The following S100A9 variants were observed in gnomAD, a reference collection of about 807,000 sequenced individuals.
The protein encoded by S100A9 is S100 calcium binding protein A9.
In S100A9, 2 loss-of-function variants were observed where a neutral mutation model predicts 4.3. The ratio of observed to expected loss-of-function variants is 0.47; its 90% CI spans 0.19 to 1.48. The LOEUF (loss-of-function observed/expected upper bound fraction) is 1.48. S100A9 is among the 40% of genes most tolerant of loss of function. S100A9 has a pLI of 0.24. For synonymous variants in S100A9, 67 were observed against 54.0 expected (o/e 1.24, Z -1.06); for missense variants, 130 against 144.4 (o/e 0.90, Z 0.51).
Position 153,360,680 on chromosome 1 carries a change from A to C in S100A9, c.187A>C (p.Met63Leu). The C allele has an allele frequency of 6.2e-7, 1 of 1,613,938 alleles. No homozygotes were observed. The highest frequency in any genetic ancestry group is 8.5e-7 in the Non-Finnish European group (1 of 1,179,866). ...GAATGAAAAGGTCATAGAACACATC[A>C]TGGAGGACCTGGACACAAATGCAGA... The part of the protein sequence containing the change: ...NKNEKVIEHI[M>L]EDLDTNADKQ... The change falls in exon 3 of 3, where the codon ATG (methionine) becomes CTG (leucine). Residue 63 changes from methionine to leucine, a missense_variant. By Grantham distance (15) the Met-to-Leu change is conservative. Coordinates refer to ENST00000368738, the MANE Select transcript of S100A9 (RefSeq NM_002965.4).
chr1:153,360,861 G>C lies in S100A9; in HGVS notation c.*23G>C. On this transcript the variant is annotated 3_prime_UTR_variant, in exon 3 of 3. Transcript: ENST00000368738. Reference sequence around the variant, plus strand: ...TAAGACCACAGTGGCCAAGATCACAGTGGCCACGGCCACGGCCACAGTCAT... The same window carrying C: ...TAAGACCACAGTGGCCAAGATCACACTGGCCACGGCCACGGCCACAGTCAT... 1.3e-6 allele frequency: 2 copies of C among 1,545,374 alleles called. No individual in the cohort carries two copies. Among genetic ancestry groups the C allele is most frequent in the Non-Finnish European group, 1.8e-6 (2 of 1,138,804 alleles).
At position 153,360,868 on chromosome 1, in the gene S100A9, CGGCCACGGCCACAGTCATGGT is replaced by C. The variant is rs548370037; in HGVS notation, c.*45_*65del. 1.1e-3 allele frequency: 1,583 copies of C among 1,493,868 alleles called. 10 individuals carry two copies. In the African/African-American group the frequency reaches 0.019, roughly 18 times the overall value. 92.5% of individuals were successfully genotyped at this position (1,493,868 alleles called of 1,614,324 possible). A position where few individuals can be genotyped will look rare whatever the true frequency, so the allele number is the denominator to read the frequency against. ...ACAGTGGCCAAGATCACAGTGGCCA[CGGCCACGGCCACAGTCATGGT>C]GGCCACGGCCACAGCCACTAATCAG... On this transcript the variant is annotated 3_prime_UTR_variant, in exon 3 of 3. Coordinates refer to ENST00000368738, the MANE Select transcript of S100A9 (RefSeq NM_002965.4).
intron 2 of S100A9, 138 bp downstream of exon 2, chr1:153,358,571 T>C: frequency 1.5e-6 from 1 of 677,226 alleles, no homozygotes; most frequent in African/African-American, 1.8e-5. Flanking sequence ...GCGAGTGTCC[T>C]GTTATACAGG....
chr1:153,358,353 G>C lies in S100A9; in HGVS notation c.70G>C (p.Val24Leu). Residue 24 changes from valine to leucine, a missense_variant, in exon 2 of 3, where the codon GTG (valine) becomes CTG (leucine). By Grantham distance (32) the Val-to-Leu change is conservative. Transcript: ENST00000368738. ...CATCAACACCTTCCACCAATACTCTGTGAAGCTGGGGCACCCAGACACCCT... is the reference window on the plus strand; with the variant it reads ...CATCAACACCTTCCACCAATACTCTCTGAAGCTGGGGCACCCAGACACCCT... ...TIINTFHQYS[V>L]KLGHPDTLNQ... 6.2e-7 allele frequency: 1 copy of C among 1,613,376 alleles called. No individual in the cohort carries two copies. The highest frequency in any genetic ancestry group is 8.5e-7 in the Non-Finnish European group (1 of 1,179,536).
chr1:153,358,264 C>A lies in S100A9; in HGVS notation c.-15-5C>A. On this transcript the variant is annotated splice_polypyrimidine_tract_variant and splice_region_variant and intron_variant, in intron 1 of 2. Transcript: ENST00000368738. Reference sequence around the variant, plus strand: ...TGTCCCAACTCTTGGTTTTCCATTACACAGACAGAGTGCAAGACGATGACT... The same window carrying A: ...TGTCCCAACTCTTGGTTTTCCATTAAACAGACAGAGTGCAAGACGATGACT... 6.5e-7 allele frequency: 1 copy of A among 1,545,456 alleles called. No individual in the cohort carries two copies. The highest frequency in any genetic ancestry group is 8.8e-7 in the Non-Finnish European group (1 of 1,136,744).
intron 1 of S100A9, 150 bp downstream of exon 1, chr1:153,358,031 C>G: frequency 3.2e-6 from 1 of 313,952 alleles, no homozygotes; most frequent in South Asian, 1.2e-4. Flanking sequence ...TTTCTTAGGT[C>G]ATGTTCCCCT....
chr1:153,360,569 C>G (rs1661429103), intron 2 of S100A9, 75 bp from the exon 3 acceptor site: 3 of 965,430 alleles, frequency 3.1e-6, no homozygotes, highest in Non-Finnish European at 4.8e-6. Flanking sequence ...CATTTGCCAG[C>G]TGGTCATTTA....
chr1:153,357,945 AC>A (rs1661376795), intron 1 of S100A9, 64 bp downstream of exon 1: 1 of 170,180 alleles, frequency 5.9e-6, no homozygotes, highest in South Asian at 1.7e-4. Context: ...TCCTTCCCTG[AC>A]CCAACTTCCT....
Position 153,360,842 on chromosome 1 carries a change from C to T in S100A9, c.*4C>T, listed in dbSNP as rs11544410. 1,484 of 1,587,790 alleles carry T rather than the reference C, an allele frequency of 9.3e-4. 36 individuals carry two copies. The East Asian group carries it at 0.032, about 34-fold the overall frequency. On this transcript the variant is annotated 3_prime_UTR_variant, in exon 3 of 3. Coordinates refer to ENST00000368738, the MANE Select transcript of S100A9 (RefSeq NM_002965.4). ...CCTCGGGGAGGGCACCCCCTAAGACCACAGTGGCCAAGATCACAGTGGCCA... is the reference window on the plus strand; with the variant it reads ...CCTCGGGGAGGGCACCCCCTAAGACTACAGTGGCCAAGATCACAGTGGCCA...
chr1:153,358,324 C>A lies in S100A9; in HGVS notation c.41C>A (p.Thr14Asn). The change falls in exon 2 of 3, where the codon ACC becomes AAC. Residue 14 changes from threonine (T) to asparagine (N), a missense_variant. Thr to Asn is a moderately conservative substitution (Grantham distance 65). Transcript: ENST00000368738. ...KMSQLERNIE[T>N]IINTFHQYSV... Reference sequence around the variant, plus strand: ...TCGCAGCTGGAACGCAACATAGAGACCATCATCAACACCTTCCACCAATAC... The same window carrying A: ...TCGCAGCTGGAACGCAACATAGAGAACATCATCAACACCTTCCACCAATAC... The A allele has an allele frequency of 6.2e-7, 1 of 1,612,068 alleles. No homozygotes were observed. The highest frequency in any genetic ancestry group is 8.5e-7 in the Non-Finnish European group (1 of 1,178,498).
At chr1:153,358,562 C>G (rs915117439) in intron 2 of S100A9, 129 bp downstream of exon 2, 6 of 723,078 alleles carry the variant, frequency 8.3e-6, no homozygotes, top group Non-Finnish European at 1.3e-5. Flanking sequence ...CAAGACGCAG[C>G]GAGTGTCCTG....
Position 153,360,800 on chromosome 1 carries a change from C to T in S100A9, c.307C>T (p.His103Tyr). ...KMHEGDEGPG[H>Y]HHKPGLGEGT... ...GCACGAGGGTGACGAGGGCCCTGGC[C>T]ACCACCATAAGCCAGGCCTCGGGGA... is the stretch of plus-strand genomic sequence containing the variant. Residue 103 changes from histidine to tyrosine, a missense_variant, in exon 3 of 3, where the codon CAC becomes TAC. Transcript: ENST00000368738. 6.2e-7 allele frequency: 1 copy of T among 1,613,486 alleles called. No individual in the cohort carries two copies. The highest frequency in any genetic ancestry group is 8.5e-7 in the Non-Finnish European group (1 of 1,179,670).
Position 153,358,336 on chromosome 1 carries a change from C to A in S100A9, c.53C>A (p.Thr18Asn), listed in dbSNP as rs1661384770. Residue 18 changes from threonine (T) to asparagine (N), a missense_variant, in exon 2 of 3, where the codon ACC (threonine) becomes AAC (asparagine). Transcript: ENST00000368738. Reference sequence around the variant, plus strand: ...CGCAACATAGAGACCATCATCAACACCTTCCACCAATACTCTGTGAAGCTG... The same window carrying A: ...CGCAACATAGAGACCATCATCAACAACTTCCACCAATACTCTGTGAAGCTG... ...LERNIETIIN[T>N]FHQYSVKLGH... is the part of the protein sequence containing the mutation. 3 of 1,612,728 alleles carry A rather than the reference C, an allele frequency of 1.9e-6. No individual in the cohort carries two copies. Among genetic ancestry groups the A allele is most frequent in the Non-Finnish European group, 1.7e-6 (2 of 1,178,936 alleles).
intron 2 of S100A9, 84 bp downstream of exon 2, chr1:153,358,517 T>C: frequency 8.8e-7 from 1 of 1,140,538 alleles, no homozygotes; most frequent in East Asian, 2.6e-5. Context: ...GCTACAGCAA[T>C]CAAGGGGAAG....
intron 2 of S100A9, 45 bp from the exon 3 acceptor site, chr1:153,360,599 C>G (rs372883418): frequency 2.2e-6 from 3 of 1,390,554 alleles, no homozygotes; most frequent in African/African-American, 2.8e-5. Context: ...CAGTCCCCAC[C>G]TCTGGCCACA....
chr1:153,360,562 T>C, intron 2 of S100A9, 82 bp from the exon 3 acceptor site: 1 of 915,430 alleles, frequency 1.1e-6, no homozygotes, highest in Non-Finnish European at 1.7e-6. Context: ...CCTTGTACAT[T>C]TGCCAGCTGG....
chr1:153,358,156 C>A, intron 1 of S100A9, 113 bp from the exon 2 acceptor site: 1 of 642,824 alleles, frequency 1.6e-6, no homozygotes, highest in South Asian at 2.8e-5. Flanking sequence ...CCTGTGCTTT[C>A]TTTTTATTTT....
chr1:153,359,680 CTTT>C lies in S100A9; in HGVS notation c.151-941_151-939del, dbSNP rs34039196. 4.1e-3 allele frequency among the ~76,000 whole-genome samples: 344 copies of C among 83,872 alleles called. 1 individual carries two copies. Among genetic ancestry groups the C allele is most frequent in the African/African-American group, 0.016 (326 of 20,958 alleles). The allele number at this position is 83,872 out of a possible 152,430, so 55.0% of individuals were successfully genotyped here. ...TCTTCCACCTCCCCTGATGTCTCTC[CTTT>C]TTTTTTTTTTTTTTTTTTTTTTGAG... On this transcript the variant is annotated intron_variant, in intron 2 of 2. Coordinates refer to ENST00000368738, the MANE Select transcript of S100A9 (RefSeq NM_002965.4).
At chr1:153,359,273 G>GC (rs934170661) in intron 2 of S100A9, among the ~76,000 whole-genome samples, 1 of 152,072 alleles carries the variant, frequency 6.6e-6, no homozygotes, top group South Asian at 2.1e-4. Context: ...CCCTCCCAGT[G>GC]CCCCTCCCTC....
Sources: gnomAD v4.1 joint callset for allele counts (sites outside exome capture counted in the v4.1 genomes callset) on GRCh38, gnomAD v4.1.1 for gene constraint, MANE v1.5 for transcripts, NCBI Gene and HGNC (gene_info 2026-07-23, HGNC 2026-07-21) for gene names.